Variants in SNX13 observed in about 807,000 individuals in gnomAD.
SNX13 encodes the protein sorting nexin-13.
A neutral mutation model predicts 133.6 loss-of-function variants in SNX13; 45 were observed. That is an observed-to-expected ratio of 0.34 (90% confidence interval 0.27 to 0.43). The LOEUF is 0.43. Ranked by LOEUF, SNX13 falls within the 20% of genes least tolerant of loss-of-function variation. The pLI, the probability that SNX13 is intolerant of heterozygous loss-of-function variation, is 1.00. For missense variants in SNX13, 1,032 were observed against 1,145.1 expected, an observed-to-expected ratio of 0.90 and a Z score of 1.43; for synonymous variants, 414 against 373.9, an observed-to-expected ratio of 1.11 and a Z score of -1.24.
intron 20 of SNX13, among the ~76,000 whole-genome samples, chr7:17,809,615 C>A (rs769354405): frequency 6.6e-6 from 1 of 152,142 alleles, no homozygotes; most frequent in Non-Finnish European, 1.5e-5. Flanking sequence ...GTGGACCAAG[C>A]GGACCTAACA....
intron 18 of SNX13, among the ~76,000 whole-genome samples, chr7:17,821,254 C>A (rs1222551204): frequency 1.3e-5 from 2 of 152,108 alleles, no homozygotes; most frequent in Non-Finnish European, 2.9e-5. Context: ...AAATCAGAAA[C>A]ATGTATTCAC....
chr7:17,836,508 A>T (rs957481803), intron 13 of SNX13, among the ~76,000 whole-genome samples: 1 of 152,148 alleles, frequency 6.6e-6, no homozygotes, highest in Non-Finnish European at 1.5e-5. Context: ...TCCGTCTCAA[A>T]AAACAAAACA....
chr7:17,870,243 T>C (rs201924729), intron 8 of SNX13, among the ~76,000 whole-genome samples: 2 of 152,282 alleles, frequency 1.3e-5, no homozygotes, highest in South Asian at 2.1e-4. Flanking sequence ...GGCAAGAAAG[T>C]AGAGGCAATT....
intron 13 of SNX13, among the ~76,000 whole-genome samples, chr7:17,838,542 T>C (rs1789433885): frequency 1.3e-5 from 2 of 151,906 alleles, no homozygotes; most frequent in South Asian, 4.1e-4. Flanking sequence ...CATTTCTAGA[T>C]TTTTAAGTAA....
rs1554304361 is a variant in SNX13 at position 17,805,255 on chromosome 7, G to GCGCA, written c.2065-1676_2065-1675insTGCG. ...TGTGTGTGTGTGTGTGTGTGTGCGT[G>GCGCA]CGCGCGCGCGCATGCATGCACATGT... is the stretch of plus-strand genomic sequence containing the variant. On this transcript the variant is annotated intron_variant, in intron 20 of 25. Coordinates refer to ENST00000428135, the MANE Select transcript of SNX13 (RefSeq NM_015132.5). Among the ~76,000 whole-genome samples, 6 of 86,764 alleles carry GCGCA rather than the reference G, an allele frequency of 6.9e-5. No homozygotes were observed. In the East Asian group the frequency reaches 2.0e-3, roughly 30 times the overall value. The allele number at this position is 86,764 out of a possible 152,430, so 56.9% of individuals were successfully genotyped here.
intron 25 of SNX13, 147 bp from the exon 26 acceptor site, chr7:17,794,439 G>A: frequency 1.0e-6 from 1 of 957,200 alleles, no homozygotes; most frequent in Non-Finnish European, 1.5e-6. Flanking sequence ...TACTATAGCT[G>A]AAACTTAATA....
chr7:17,922,021 C>T (rs1014965399), intron 1 of SNX13, among the ~76,000 whole-genome samples: 6 of 152,244 alleles, frequency 3.9e-5, no homozygotes, highest in Non-Finnish European at 7.3e-5. Context: ...CACACACCCT[C>T]ATTTACATAA....
chr7:17,824,750 C>T (rs1787680647), intron 17 of SNX13, among the ~76,000 whole-genome samples: 1 of 150,822 alleles, frequency 6.6e-6, no homozygotes, highest in Admixed American at 6.6e-5. Flanking sequence ...TCAGTATTTA[C>T]ATATGTTTGT....
chr7:17,860,402 C>T (rs1161506802), intron 9 of SNX13, among the ~76,000 whole-genome samples: 1 of 152,102 alleles, frequency 6.6e-6, no homozygotes, highest in African/African-American at 2.4e-5. Context: ...GGATATATGG[C>T]TTGCAAATAT....
At chr7:17,904,409 G>A (rs1159376624) in intron 1 of SNX13, among the ~76,000 whole-genome samples, 1 of 151,638 alleles carries the variant, frequency 6.6e-6, no homozygotes, top group South Asian at 2.1e-4. Flanking sequence ...TTTAGGCCTA[G>A]GTTATCAGTG....
chr7:17,927,606 G>T (rs1254726553), intron 1 of SNX13, among the ~76,000 whole-genome samples: 1 of 152,008 alleles, frequency 6.6e-6, no homozygotes, highest in Non-Finnish European at 1.5e-5. Context: ...TAAATACTCT[G>T]TTCTCTTTAG....
chr7:17,938,629 T>C (rs1460670470), intron 1 of SNX13, among the ~76,000 whole-genome samples: 2 of 152,190 alleles, frequency 1.3e-5, no homozygotes, highest in African/African-American at 4.8e-5. Flanking sequence ...ATTTACTGTT[T>C]AAAATATTTC....
chr7:17,808,552 C>T (rs1335162810), intron 20 of SNX13, among the ~76,000 whole-genome samples: 1 of 152,162 alleles, frequency 6.6e-6, no homozygotes, highest in South Asian at 2.1e-4. Context: ...TCCAGGAGAA[C>T]TTCCCCAACC....
At chr7:17,879,300 G>A (rs931867948) in intron 5 of SNX13, 4 of 152,336 alleles carry the variant, frequency 2.6e-5, no homozygotes, top group East Asian at 1.9e-4. Context: ...AAACTGCTGG[G>A]CTCAAGTGAT....
Position 17,868,444 on chromosome 7 carries a change from C to T in SNX13, c.800G>A (p.Ser267Asn), listed in dbSNP as rs750003822. 5 of 1,609,908 alleles carry T rather than the reference C, an allele frequency of 3.1e-6. No homozygotes were observed. The Admixed American group carries it at 6.7e-5, about 22-fold the overall frequency. ...GILLPLINQL[S>N]DPDYINQYVI... ...ATACTGATTAATATAATCAGGATCA[C>T]TGAGTTGATTTATTAATGGAAGAAG... is the stretch of plus-strand genomic sequence containing the variant. Residue 267 changes from serine (S) to asparagine (N), a missense_variant, in exon 9 of 26, where the codon AGT becomes AAT. By Grantham distance (46) the Ser-to-Asn change is conservative. Transcript: ENST00000428135.
intron 11 of SNX13, among the ~76,000 whole-genome samples, chr7:17,847,848 T>C (rs1030644677): frequency 6.6e-6 from 1 of 152,198 alleles, no homozygotes; most frequent in African/African-American, 2.4e-5. Flanking sequence ...TCAGTCTTCA[T>C]CTTTCTCCAC....
At chr7:17,905,263 C>A (rs1798268655) in intron 1 of SNX13, among the ~76,000 whole-genome samples, 1 of 152,118 alleles carries the variant, frequency 6.6e-6, no homozygotes, top group Admixed American at 6.5e-5. Flanking sequence ...TCCTCCAACC[C>A]AATTATTTTG....
intron 15 of SNX13, 73 bp from the exon 16 acceptor site, chr7:17,830,120 C>G: frequency 9.7e-7 from 1 of 1,030,168 alleles, no homozygotes; most frequent in Non-Finnish European, 1.2e-6. Flanking sequence ...GGTTCAAACA[C>G]TAAGAATGAA....
intron 5 of SNX13, among the ~76,000 whole-genome samples, chr7:17,876,807 AC>A (rs1794777792): frequency 1.3e-5 from 2 of 152,154 alleles, no homozygotes; most frequent in Admixed American, 6.5e-5. Context: ...TAACTCAAAA[AC>A]AATTTATATC....
Sources: allele counts gnomAD v4.1 joint callset (sites outside exome capture counted in the v4.1 genomes callset), GRCh38; gene constraint gnomAD v4.1.1; transcripts MANE v1.5; gene names NCBI Gene and HGNC (gene_info 2026-07-23, HGNC 2026-07-21).